COLEC12: variants seen among roughly 807,000 people sequenced by gnomAD.
The protein encoded by COLEC12 is collectin-12.
COLEC12 carries 33 observed loss-of-function variants against 71.1 expected under a neutral mutation model. The ratio of observed to expected loss-of-function variants is 0.46; its 90% CI spans 0.35 to 0.62. COLEC12 has a LOEUF of 0.62. COLEC12 is among the 20% of genes least tolerant of loss of function. The pLI, the probability that COLEC12 is intolerant of heterozygous loss-of-function variation, is 0.00. For synonymous variants in COLEC12, 350 were observed against 353.0 expected (o/e 0.99, Z 0.10); for missense variants, 765 against 916.1 (o/e 0.84, Z 2.13).
intron 2 of COLEC12, among the ~76,000 whole-genome samples, chr18:402,445 G>A (rs984559884): frequency 2.6e-5 from 4 of 152,082 alleles, no homozygotes; most frequent in Admixed American, 6.5e-5. Context: ...TCAGCACCAC[G>A]CCCTAGCAGA....
chr18:328,945 C>A (rs1328246468), intron 8 of COLEC12, among the ~76,000 whole-genome samples: 1 of 152,206 alleles, frequency 6.6e-6, no homozygotes, highest in Non-Finnish European at 1.5e-5. Context: ...CTTATTCTTG[C>A]TTTTAAAATT....
intron 1 of COLEC12, among the ~76,000 whole-genome samples, chr18:493,952 TATC>T (rs1450228490): frequency 2.6e-5 from 4 of 152,122 alleles, no homozygotes; most frequent in Non-Finnish European, 4.4e-5. Flanking sequence ...TCTTTAAAAA[TATC>T]ATGTCATCAG....
At chr18:369,327 C>T (rs1009245092) in intron 2 of COLEC12, among the ~76,000 whole-genome samples, 3 of 152,112 alleles carry the variant, frequency 2.0e-5, no homozygotes, top group African/African-American at 7.2e-5. Context: ...GGATCACTGG[C>T]ACCACCAAGC....
chr18:342,808 C>T (rs554928319), intron 5 of COLEC12, among the ~76,000 whole-genome samples: 1 of 152,190 alleles, frequency 6.6e-6, no homozygotes, highest in African/African-American at 2.4e-5. Flanking sequence ...CAGTGAACAA[C>T]AAGACCAGTG....
chr18:385,678 T>A (rs1915330562), intron 2 of COLEC12, among the ~76,000 whole-genome samples: 1 of 152,188 alleles, frequency 6.6e-6, no homozygotes. Flanking sequence ...GGCTAATTAT[T>A]TCCGTTTTTT....
intron 2 of COLEC12, among the ~76,000 whole-genome samples, chr18:441,425 C>A (rs1178949361): frequency 6.6e-6 from 1 of 152,048 alleles, no homozygotes; most frequent in Non-Finnish European, 1.5e-5. Context: ...TCATTTAGTG[C>A]TCTTTCAAAC....
At chr18:322,218 A>G (rs775174716) in intron 8 of COLEC12, among the ~76,000 whole-genome samples, 32 of 146,684 alleles carry the variant, frequency 2.2e-4, no homozygotes, top group Admixed American at 4.1e-4. Flanking sequence ...ACACACACGC[A>G]CACATGATCT....
At chr18:367,619 T>C (rs1241604399) in intron 2 of COLEC12, among the ~76,000 whole-genome samples, 3 of 152,178 alleles carry the variant, frequency 2.0e-5, no homozygotes, top group African/African-American at 7.2e-5. Flanking sequence ...GTCTTGAACC[T>C]AATGAGAAAT....
chr18:476,474 G>A (rs1380963575), intron 2 of COLEC12, among the ~76,000 whole-genome samples: 2 of 152,156 alleles, frequency 1.3e-5, no homozygotes, highest in Non-Finnish European at 2.9e-5. Context: ...TGTATCTCTT[G>A]CTTCTCCATC....
chr18:338,974 T>C (rs982952133), intron 5 of COLEC12, among the ~76,000 whole-genome samples: 19 of 106,912 alleles, frequency 1.8e-4, no homozygotes, highest in African/African-American at 5.4e-4. Flanking sequence ...TCTTTAGCCT[T>C]ATTGTCTTAA....
At chr18:467,488 G>GT (rs1042743735) in intron 2 of COLEC12, among the ~76,000 whole-genome samples, 2 of 152,180 alleles carry the variant, frequency 1.3e-5, no homozygotes, top group African/African-American at 4.8e-5. Context: ...GTGGGTTTAT[G>GT]TTTTTTGTCC....
chr18:334,847 G>C lies in COLEC12; in HGVS notation c.1711C>G (p.Pro571Ala), dbSNP rs931788864. 6.6e-7 allele frequency: 1 copy of C among 1,524,330 alleles called. No individual in the cohort carries two copies. Among genetic ancestry groups the C allele is most frequent in the Non-Finnish European group, 8.7e-7 (1 of 1,145,486 alleles). The allele number at this position is 1,524,330 out of a possible 1,614,324, so 94.4% of individuals were successfully genotyped here. A position where few individuals can be genotyped will look rare whatever the true frequency, so the allele number is the denominator to read the frequency against. The change falls in exon 6 of 10, where the codon CCA (proline) becomes GCA (alanine). Residue 571 changes from proline to alanine, a missense_variant. Physicochemically the swap from Pro to Ala is conservative, Grantham distance 27. Coordinates refer to ENST00000400256, the MANE Select transcript of COLEC12 (RefSeq NM_130386.3). The stretch of plus-strand genomic sequence containing the variant: ...GGGCCCTTGGGGCCTGGCATGCCTG[G>C]TACCCCAGGCAAGCCTGGCAGTCCC... ...PRGLPGLPGV[P>A]GMPGPKGPPG...
At chr18:411,816 C>CA (rs1474838457) in intron 2 of COLEC12, among the ~76,000 whole-genome samples, 1 of 152,012 alleles carries the variant, frequency 6.6e-6, no homozygotes, top group African/African-American at 2.4e-5. Flanking sequence ...AATCCTGTCT[C>CA]AAAAACCAGA....
At position 319,762 on chromosome 18, in the gene COLEC12, G is replaced by C; in HGVS notation, c.*283C>G. The C allele has an allele frequency of 2.2e-6, 1 of 449,942 alleles. No individual in the cohort carries two copies. The highest frequency in any genetic ancestry group is 3.9e-6 in the Non-Finnish European group (1 of 255,198). 27.9% of individuals were successfully genotyped at this position (449,942 alleles called of 1,614,324 possible). Reference sequence around the variant, plus strand: ...TCTGATTGGAGTGTTCCATACTTTGGAAGACATAATTTGTATAATCGCACG... The same window carrying C: ...TCTGATTGGAGTGTTCCATACTTTGCAAGACATAATTTGTATAATCGCACG... On this transcript the variant is annotated 3_prime_UTR_variant, in exon 10 of 10. Transcript: ENST00000400256.
At chr18:330,536 T>C (rs1913950665) in intron 8 of COLEC12, among the ~76,000 whole-genome samples, 1 of 152,048 alleles carries the variant, frequency 6.6e-6, no homozygotes, top group East Asian at 1.9e-4. Context: ...CTGCTTCATT[T>C]GTTACAGTTC....
At chr18:493,330 G>A (rs1451414177) in intron 1 of COLEC12, among the ~76,000 whole-genome samples, 1 of 152,174 alleles carries the variant, frequency 6.6e-6, no homozygotes, top group Non-Finnish European at 1.5e-5. Context: ...GCCTCCCAAA[G>A]CACTGAAATT....
In COLEC12 at chr18:408,496, G is replaced by A. The variant is rs990819567; in HGVS notation, c.59-50974C>T. On this transcript the variant is annotated intron_variant, in intron 2 of 9. Coordinates refer to ENST00000400256, the MANE Select transcript of COLEC12 (RefSeq NM_130386.3). The surrounding 1 kb of genome is among the most constrained non-coding windows in gnomAD (Gnocchi z 4.3). ...GTGGTTCATAAACAGAAAAAAAAATGTCAGATTTTGAACTTGGAAAGGAAT... is the reference window on the plus strand; with the variant it reads ...GTGGTTCATAAACAGAAAAAAAAATATCAGATTTTGAACTTGGAAAGGAAT... Among the ~76,000 whole-genome samples, 1 of 151,842 alleles carries A rather than the reference G, an allele frequency of 6.6e-6. No individual in the cohort carries two copies. The highest frequency in any genetic ancestry group is 2.4e-5 in the African/African-American group (1 of 41,300).
intron 2 of COLEC12, among the ~76,000 whole-genome samples, chr18:476,960 C>T (rs943379661): frequency 3.3e-5 from 5 of 152,296 alleles, no homozygotes; most frequent in African/African-American, 1.2e-4. Flanking sequence ...CCCTCATTGA[C>T]GCTTTTGTCA....
At chr18:427,379 C>T (rs749338927) in intron 2 of COLEC12, among the ~76,000 whole-genome samples, 1 of 152,080 alleles carries the variant, frequency 6.6e-6, no homozygotes, top group Non-Finnish European at 1.5e-5. Context: ...CTATGTGGGC[C>T]GTAGGGAGAG....
Sources: gnomAD v4.1 joint callset for allele counts (sites outside exome capture counted in the v4.1 genomes callset) on GRCh38, gnomAD v4.1.1 for gene constraint, Gnocchi (gnomAD v3.1) non-coding constraint, MANE v1.5 for transcripts, NCBI Gene and HGNC (gene_info 2026-07-23, HGNC 2026-07-21) for gene names.